The following NEDD4 variants were observed in gnomAD, a reference collection of about 807,000 sequenced individuals.
NEDD4 encodes the protein E3 ubiquitin-protein ligase NEDD4.
In NEDD4, 99 loss-of-function variants were observed where a neutral mutation model predicts 144.9. The observed-to-expected ratio is 0.68, with a 90% CI of 0.58 to 0.81. The LOEUF is 0.81. NEDD4 is among the 30% of genes least tolerant of loss of function. The pLI is 0.00. For missense variants in NEDD4, 985 were observed against 1,065.9 expected (o/e 0.92, Z 1.06); for synonymous variants, 318 against 350.6 (o/e 0.91, Z 1.04).
chr15:55,960,919 CT>C (rs1372547219), intron 2 of NEDD4, among the ~76,000 whole-genome samples: 3 of 152,216 alleles, frequency 2.0e-5, no homozygotes, highest in Non-Finnish European at 2.9e-5. Context: ...CCTGTTGGCC[CT>C]GGGAGGCATG....
chr15:55,905,764 T>C (rs2036070601), intron 5 of NEDD4, among the ~76,000 whole-genome samples: 1 of 152,214 alleles, frequency 6.6e-6, no homozygotes, highest in Non-Finnish European at 1.5e-5. Context: ...TTGTAGATTC[T>C]GGATATTAGC....
rs532546684 is a variant in NEDD4, at chr15:55,893,910, C to A, written c.292-19902G>T. Among the ~76,000 whole-genome samples the A allele has an allele frequency of 8.6e-5, 13 of 151,560 alleles. No homozygotes were observed. The East Asian group carries it at 2.5e-3, about 29-fold the overall frequency. On this transcript the variant is annotated intron_variant, in intron 5 of 28. Coordinates refer to ENST00000435532, the MANE Select transcript of NEDD4 (RefSeq NM_006154.4). ...AATAAACAAAATTGCATTTGTATAG[C>A]TGCTTCTTTCCTACTTCCTTATTGA...
At chr15:55,948,138 G>A (rs1177865541) in intron 4 of NEDD4, among the ~76,000 whole-genome samples, 1 of 152,140 alleles carries the variant, frequency 6.6e-6, no homozygotes, top group Non-Finnish European at 1.5e-5. Flanking sequence ...AAAATCACAA[G>A]CATTCTTATA....
chr15:55,901,337 G>A (rs538918772), intron 5 of NEDD4, among the ~76,000 whole-genome samples: 20 of 152,228 alleles, frequency 1.3e-4, no homozygotes, highest in South Asian at 1.2e-3. Context: ...ACAAGAGTTC[G>A]TTTTAGAACT....
At chr15:55,843,648 A>C (rs1217650104) in intron 18 of NEDD4, among the ~76,000 whole-genome samples, 1 of 152,222 alleles carries the variant, frequency 6.6e-6, no homozygotes, top group Non-Finnish European at 1.5e-5. Context: ...TTTCATTCTC[A>C]ATTTATTTAG....
Position 55,830,531 on chromosome 15 carries a change from C to A in NEDD4, c.2583G>T (p.Leu861=), listed in dbSNP as rs1201946177. The part of the protein sequence containing the change: ...TVEQWGTPEK[L]PRAHTCFNRL... ...CTGCTTACCAGGTATGAGCTCTTGG[C>A]AGCTTTTCAGGAGTACCCCACTGTT... The change falls in exon 28 of 29, where the codon CTG becomes CTT. Residue 861 remains leucine (L), a synonymous_variant. Coordinates refer to ENST00000435532, the MANE Select transcript of NEDD4 (RefSeq NM_006154.4). 1 of 1,613,946 alleles carries A rather than the reference C, an allele frequency of 6.2e-7. No homozygotes were observed. The highest frequency in any genetic ancestry group is 8.5e-7 in the Non-Finnish European group (1 of 1,179,932).
At chr15:55,895,658 T>C (rs1344194923) in intron 5 of NEDD4, among the ~76,000 whole-genome samples, 3 of 152,216 alleles carry the variant, frequency 2.0e-5, no homozygotes, top group Non-Finnish European at 4.4e-5. Flanking sequence ...TCTGCTGATC[T>C]GGTATAATGT....
intron 1 of NEDD4, among the ~76,000 whole-genome samples, chr15:55,979,933 T>C (rs1417303385): frequency 1.3e-5 from 2 of 151,490 alleles, no homozygotes; most frequent in East Asian, 3.9e-4. Context: ...TTTTTTGAGA[T>C]GGAGTCTCGC....
At chr15:55,958,154 T>C (rs1390252119) in intron 2 of NEDD4, among the ~76,000 whole-genome samples, 1 of 152,226 alleles carries the variant, frequency 6.6e-6, no homozygotes, top group East Asian at 1.9e-4. Flanking sequence ...ATTCTATTAA[T>C]ACAGTGTATT....
At chr15:55,926,244 C>T (rs1271215004) in intron 4 of NEDD4, among the ~76,000 whole-genome samples, 1 of 152,110 alleles carries the variant, frequency 6.6e-6, no homozygotes, top group Non-Finnish European at 1.5e-5. Context: ...AAATGTATCC[C>T]TTGTACCTAC....
chr15:55,955,332 T>C (rs1296819719), intron 2 of NEDD4, among the ~76,000 whole-genome samples: 1 of 152,122 alleles, frequency 6.6e-6, no homozygotes, highest in African/African-American at 2.4e-5. Flanking sequence ...ACCTGGCAGC[T>C]CTACCCTCTT....
chr15:55,879,819 A>C (rs1157069394), intron 5 of NEDD4, among the ~76,000 whole-genome samples: 1 of 152,206 alleles, frequency 6.6e-6, no homozygotes, highest in African/African-American at 2.4e-5. Flanking sequence ...AAATTCTCAG[A>C]AAGTAGAACT....
intron 5 of NEDD4, among the ~76,000 whole-genome samples, chr15:55,900,306 T>C (rs2035873261): frequency 6.6e-6 from 1 of 152,140 alleles, no homozygotes. Context: ...ATCCCAGAAA[T>C]ACTGAAGAGC....
chr15:55,992,932 C>A (rs2038010850), intron 1 of NEDD4, among the ~76,000 whole-genome samples: 1 of 152,178 alleles, frequency 6.6e-6, no homozygotes, highest in Non-Finnish European at 1.5e-5. Flanking sequence ...ACACTTGTTG[C>A]TAAAGAGGAG....
intron 5 of NEDD4, chr15:55,915,817 T>C (rs755557199): frequency 6.2e-7 from 1 of 1,613,742 alleles, no homozygotes; most frequent in East Asian, 2.2e-5. Flanking sequence ...CGTATGTCTC[T>C]TACTTCTCCG....
chr15:55,847,990 T>G (rs2033819580), intron 17 of NEDD4, among the ~76,000 whole-genome samples: 2 of 152,080 alleles, frequency 1.3e-5, no homozygotes, highest in Admixed American at 1.3e-4. Context: ...ATAAAAAAAT[T>G]TAAGAATGAC....
At position 55,860,818 on chromosome 15, in the gene NEDD4, G is replaced by C. The variant is rs968924446; in HGVS notation, c.675-40C>G. On this transcript the variant is annotated intron_variant, in intron 9 of 28. Coordinates refer to ENST00000435532, the MANE Select transcript of NEDD4 (RefSeq NM_006154.4). ...TAAAAAGCCATCATCCATGTCTTAA[G>C]TAGTTAAAATGATTGTCAAAGATTC... The C allele has an allele frequency of 3.3e-6, 5 of 1,532,830 alleles. No individual in the cohort carries two copies. In the African/African-American group the frequency reaches 6.9e-5, roughly 21 times the overall value. 95.0% of individuals were successfully genotyped at this position (1,532,830 alleles called of 1,614,324 possible). A position where few individuals can be genotyped will look rare whatever the true frequency, so the allele number is the denominator to read the frequency against.
chr15:55,949,155 C>G (rs1447718973), intron 4 of NEDD4, among the ~76,000 whole-genome samples: 9 of 152,212 alleles, frequency 5.9e-5, no homozygotes, highest in Admixed American at 1.3e-4. Context: ...TGAACAGACA[C>G]TTCTCAAAAG....
intron 4 of NEDD4, among the ~76,000 whole-genome samples, chr15:55,930,615 G>A (rs537548496): frequency 1.3e-5 from 2 of 152,274 alleles, no homozygotes; most frequent in South Asian, 4.1e-4. Flanking sequence ...TTACTGATAT[G>A]GTTTGACTGT....
Sources: gnomAD v4.1 joint callset for allele counts (sites outside exome capture counted in the v4.1 genomes callset) on GRCh38, gnomAD v4.1.1 for gene constraint, MANE v1.5 for transcripts, NCBI Gene and HGNC (gene_info 2026-07-23, HGNC 2026-07-21) for gene names.